FKBP6: variants seen among roughly 807,000 people sequenced by gnomAD.
FKBP6 encodes the protein inactive peptidyl-prolyl cis-trans isomerase FKBP6.
In FKBP6, 29 loss-of-function variants were observed where a neutral mutation model predicts 41.7. The observed-to-expected ratio is 0.70, with a 90% CI of 0.52 to 0.95. The LOEUF (loss-of-function observed/expected upper bound fraction) is 0.95. Ranked by LOEUF, FKBP6 falls within the 40% of genes least tolerant of loss-of-function variation. The pLI, the probability that FKBP6 is intolerant of heterozygous loss-of-function variation, is 0.00. For synonymous variants in FKBP6, 130 were observed against 165.1 expected (o/e 0.79, Z 1.63); for missense variants, 338 against 408.7 (o/e 0.83, Z 1.49).
Position 73,328,670 on chromosome 7 carries a change from G to A in FKBP6, c.153G>A (p.Val51=). The change falls in exon 2 of 9, where the codon GTG becomes GTA. Residue 51 remains valine (V), a synonymous_variant. Transcript: ENST00000252037. ...DVIREGAGDL[V]APDASVLVKY... ...TCCGAGAAGGAGCTGGAGACCTAGT[G>A]GCGCCTGATGCTTCGGTGCTAGGTA... 1.2e-6 allele frequency: 2 copies of A among 1,611,936 alleles called. No individual in the cohort carries two copies. Among genetic ancestry groups the A allele is most frequent in the Non-Finnish European group, 1.7e-6 (2 of 1,179,832 alleles).
chr7:73,328,219 G>C lies in FKBP6; in HGVS notation c.-210G>C. 1 of 1,548,996 alleles carries C rather than the reference G, an allele frequency of 6.5e-7. No homozygotes were observed. Among genetic ancestry groups the C allele is most frequent in the Non-Finnish European group, 8.7e-7 (1 of 1,146,592 alleles). The stretch of plus-strand genomic sequence containing the variant: ...CCTCGCACCTCACCGCGTGGCCTCT[G>C]TAGTTCCAGAGCTCGCGAGGGCCAG... On this transcript the variant is annotated 5_prime_UTR_variant, in exon 1 of 9. Transcript: ENST00000252037.
chr7:73,331,546 C>A, intron 4 of FKBP6, 111 bp from the exon 5 acceptor site: 1 of 1,012,712 alleles, frequency 9.9e-7, no homozygotes. Flanking sequence ...CATGTTCTCA[C>A]TATGTTGCCC....
intron 2 of FKBP6, 99 bp from the exon 3 acceptor site, chr7:73,329,261 A>G (rs1804750680): frequency 1.8e-5 from 15 of 816,716 alleles, no homozygotes; most frequent in Non-Finnish European, 3.1e-5. Flanking sequence ...GCTTAAGCTC[A>G]TCTGTTCACA....
intron 8 of FKBP6, among the ~76,000 whole-genome samples, chr7:73,349,441 C>T (rs567329893): frequency 8.6e-5 from 13 of 150,590 alleles, no homozygotes; most frequent in African/African-American, 3.2e-4. Context: ...CAGTGGCTCA[C>T]GCCTGTAATC....
rs868922495 is a variant in FKBP6 at position 73,331,583 on chromosome 7, C to T, written c.469-74C>T. 36 of 1,531,728 alleles carry T rather than the reference C, an allele frequency of 2.4e-5. No individual in the cohort carries two copies. The Middle Eastern group carries it at 1.0e-3, about 43-fold the overall frequency. 94.9% of individuals were successfully genotyped at this position (1,531,728 alleles called of 1,614,324 possible). On this transcript the variant is annotated intron_variant, in intron 4 of 8. Transcript: ENST00000252037. ...GGCTGGTCTCGAACTCCTGGGCTCA[C>T]GTGTACTAACACTTCCATTGTGGCA...
At chr7:73,342,457 T>C (rs1805218691) in intron 7 of FKBP6, among the ~76,000 whole-genome samples, 1 of 152,254 alleles carries the variant, frequency 6.6e-6, no homozygotes, top group Non-Finnish European at 1.5e-5. Flanking sequence ...AAAAGTATCC[T>C]GTCAGATCTG....
At chr7:73,331,969 T>C (rs1206296306) in intron 5 of FKBP6, among the ~76,000 whole-genome samples, 193 bp downstream of exon 5, 2 of 152,122 alleles carry the variant, frequency 1.3e-5, no homozygotes, top group African/African-American at 2.4e-5. Context: ...GTTCACGCCA[T>C]TCTCCTGCCT....
At chr7:73,335,463 T>C (rs1804977344) in intron 5 of FKBP6, among the ~76,000 whole-genome samples, 1 of 152,228 alleles carries the variant, frequency 6.6e-6, no homozygotes, top group African/African-American at 2.4e-5. Flanking sequence ...TCTCACTGTC[T>C]GGTATTGAGA....
chr7:73,341,542 T>G (rs1213237885), intron 7 of FKBP6, among the ~76,000 whole-genome samples, 160 bp downstream of exon 7: 1 of 151,684 alleles, frequency 6.6e-6, no homozygotes, highest in Non-Finnish European at 1.5e-5. Flanking sequence ...GGCCGTGCGC[T>G]GCACCAGCAG....
At chr7:73,330,106 G>C (rs782306533) in intron 3 of FKBP6, 44 bp from the exon 4 acceptor site, 3 of 1,450,778 alleles carry the variant, frequency 2.1e-6, no homozygotes, top group Non-Finnish European at 2.9e-6. Flanking sequence ...CACTGAGCAG[G>C]ATACTGAGCA....
At chr7:73,333,457 AG>A (rs1374992801) in intron 5 of FKBP6, among the ~76,000 whole-genome samples, 1 of 152,208 alleles carries the variant, frequency 6.6e-6, no homozygotes, top group Non-Finnish European at 1.5e-5. Context: ...CCATGAGCTT[AG>A]GGTGTCCCTG....
chr7:73,351,269 AT>A (rs1391347057), intron 8 of FKBP6, among the ~76,000 whole-genome samples: 1 of 152,120 alleles, frequency 6.6e-6, no homozygotes, highest in Admixed American at 6.5e-5. Context: ...ACCTCAAGTG[AT>A]TCATCCGCCT....
At chr7:73,346,743 A>C (rs1184983229) in intron 8 of FKBP6, among the ~76,000 whole-genome samples, 1 of 152,182 alleles carries the variant, frequency 6.6e-6, no homozygotes, top group Non-Finnish European at 1.5e-5. Flanking sequence ...GAAGGGTGGC[A>C]GGAGTATGCG....
rs1805152121 is a variant in FKBP6 at position 73,340,743 on chromosome 7, C to G, written c.694C>G (p.Leu232Val). 6.2e-7 allele frequency: 1 copy of G among 1,613,938 alleles called. No individual in the cohort carries two copies. The highest frequency in any genetic ancestry group is 8.5e-7 in the Non-Finnish European group (1 of 1,179,974). The stretch of plus-strand genomic sequence containing the variant: ...GAACCTGTCCTTTACATACCTGAAG[C>G]TAGACCGACCCACCATAGCCCTGTG... Reference protein sequence around the residue: ...LLNLSFTYLKLDRPTIALCYG... With the variant: ...LLNLSFTYLKVDRPTIALCYG... Residue 232 changes from leucine (L) to valine (V), a missense_variant, in exon 6 of 9, where the codon CTA becomes GTA. Physicochemically the swap from Leu to Val is conservative, Grantham distance 32 (BLOSUM62 1). Transcript: ENST00000252037.
chr7:73,353,660 A>G (rs1805551088), intron 8 of FKBP6, among the ~76,000 whole-genome samples: 1 of 151,964 alleles, frequency 6.6e-6, no homozygotes, highest in South Asian at 2.1e-4. Flanking sequence ...CGTTGGTGCC[A>G]TTTTTCCAAC....
At chr7:73,355,579 C>T (rs1805607226) in intron 8 of FKBP6, among the ~76,000 whole-genome samples, 1 of 151,654 alleles carries the variant, frequency 6.6e-6, no homozygotes, top group South Asian at 2.1e-4. Context: ...TAGATCAAAA[C>T]TTTCTTTTTT....
At chr7:73,332,173 G>A (rs1218532146) in intron 5 of FKBP6, among the ~76,000 whole-genome samples, 1 of 152,066 alleles carries the variant, frequency 6.6e-6, no homozygotes, top group Non-Finnish European at 1.5e-5. Flanking sequence ...AAAAAACACA[G>A]ATTTTTGTCT....
chr7:73,331,890 G>A, intron 5 of FKBP6, 114 bp downstream of exon 5: 1 of 1,113,964 alleles, frequency 9.0e-7, no homozygotes, highest in South Asian at 1.3e-5. Flanking sequence ...TGAGACAAGA[G>A]TGTCGCTCTG....
chr7:73,358,544 G>A lies in FKBP6; in HGVS notation c.*366G>A, dbSNP rs1554552318. ...CAATAGAGATTGCTTTGTGTATTTT[G>A]TAGGGTTCTCTGTTTTGAAGACAGA... On this transcript the variant is annotated 3_prime_UTR_variant, in exon 9 of 9. Transcript: ENST00000252037. The A allele has an allele frequency of 6.6e-6, 1 of 152,598 alleles. No homozygotes were observed. Among genetic ancestry groups the A allele is most frequent in the African/African-American group, 2.4e-5 (1 of 41,436 alleles). The allele number at this position is 152,598 out of a possible 1,614,324, so 9.5% of individuals were successfully genotyped here. A position where few individuals can be genotyped will look rare whatever the true frequency, so the allele number is the denominator to read the frequency against.
Sources: gnomAD v4.1 joint callset for allele counts (sites outside exome capture counted in the v4.1 genomes callset) on GRCh38, gnomAD v4.1.1 for gene constraint, MANE v1.5 for transcripts, NCBI Gene and HGNC (gene_info 2026-07-23, HGNC 2026-07-21) for gene names.